Variants in GPAM observed in about 807,000 individuals in gnomAD.
The protein encoded by GPAM is glycerol-3-phosphate acyltransferase, mitochondrial.
In GPAM, 56 loss-of-function variants were observed where a neutral mutation model predicts 105.0. The observed-to-expected ratio is 0.53, with a 90% CI of 0.43 to 0.67. The LOEUF is 0.67. GPAM is among the 30% of genes least tolerant of loss of function. GPAM has a pLI of 0.00. For missense variants in GPAM, 855 were observed against 989.8 expected, an observed-to-expected ratio of 0.86 and a Z score of 1.83; for synonymous variants, 368 against 354.4, an observed-to-expected ratio of 1.04 and a Z score of -0.43.
upstream of GPAM, among the ~76,000 whole-genome samples, chr10:112,183,978 G>C (rs1473169191): frequency 2.0e-5 from 3 of 152,248 alleles, no homozygotes; most frequent in Admixed American, 2.0e-4. Flanking sequence ...GTGTGAGTGT[G>C]TGTGGGTACC....
intron 1 of GPAM, among the ~76,000 whole-genome samples, chr10:112,193,762 T>A (rs1243288089): frequency 6.6e-6 from 1 of 152,210 alleles, no homozygotes; most frequent in Non-Finnish European, 1.5e-5. Flanking sequence ...ATAATTGTTT[T>A]TAGGATTTGC....
intron 21 of GPAM, chr10:112,154,398 G>A (rs1846977478): frequency 1.7e-6 from 1 of 581,340 alleles, no homozygotes; most frequent in Admixed American, 3.0e-5. Flanking sequence ...GGGAATAAAT[G>A]TGAAACCAGT....
At chr10:112,159,209 T>G (rs986275761) in intron 17 of GPAM, among the ~76,000 whole-genome samples, 2 of 146,702 alleles carry the variant, frequency 1.4e-5, no homozygotes, top group Non-Finnish European at 3.0e-5. Context: ...GTTGAGCAGA[T>G]GATTTTCTTT....
intron 1 of GPAM, among the ~76,000 whole-genome samples, chr10:112,211,150 G>A (rs961460026): frequency 1.3e-5 from 2 of 152,134 alleles, no homozygotes; most frequent in African/African-American, 4.8e-5. Context: ...TCCAGCTGGG[G>A]GAAGTAGGAG....
At chr10:112,169,751 C>T (rs1847281517) in intron 9 of GPAM, among the ~76,000 whole-genome samples, 1 of 152,226 alleles carries the variant, frequency 6.6e-6, no homozygotes, top group South Asian at 2.1e-4. Context: ...CCGGGCCACA[C>T]AGCAGGAGAT....
chr10:112,195,910 A>C (rs1847718032), intron 1 of GPAM, among the ~76,000 whole-genome samples: 1 of 152,354 alleles, frequency 6.6e-6, no homozygotes, highest in South Asian at 2.1e-4. Flanking sequence ...TGTAGCTCTT[A>C]GAGCAGGCAT....
At chr10:112,171,334 G>A (rs1299865917) in intron 9 of GPAM, among the ~76,000 whole-genome samples, 1 of 152,052 alleles carries the variant, frequency 6.6e-6, no homozygotes, top group Non-Finnish European at 1.5e-5. Flanking sequence ...TTAAATCTAT[G>A]CCCTCCTGTC....
At chr10:112,195,895 G>A (rs1847717828) in intron 1 of GPAM, among the ~76,000 whole-genome samples, 1 of 152,212 alleles carries the variant, frequency 6.6e-6, no homozygotes, top group African/African-American at 2.4e-5. Flanking sequence ...GGGGGCTTGT[G>A]ACTTTGTAGC....
chr10:112,167,459 G>A (rs1234073417), intron 11 of GPAM, among the ~76,000 whole-genome samples: 1 of 152,148 alleles, frequency 6.6e-6, no homozygotes, highest in African/African-American at 2.4e-5. Context: ...AAATATCCAA[G>A]AATGATTACA....
chr10:112,179,106 G>T (rs988637367), intron 4 of GPAM, among the ~76,000 whole-genome samples: 1 of 152,166 alleles, frequency 6.6e-6, no homozygotes, highest in African/African-American at 2.4e-5. Context: ...TCAGAGAAAA[G>T]ATAGCAAATA....
rs539294148 is a variant in GPAM at position 112,192,917 on chromosome 10, G to A, written n.211-10026C>T. On this transcript the variant is annotated intron_variant and non_coding_transcript_variant, in intron 1 of 3. Coordinates refer to the GPAM transcript ENST00000480130. ...GTTGTATGCAGGGGCCTGCCCGCCT[G>A]GGTTAAATTGGCCGCAGAGAATCTA... Among the ~76,000 whole-genome samples the A allele has an allele frequency of 5.3e-5, 8 of 152,270 alleles. No homozygotes were observed. The South Asian group carries it at 1.7e-3, about 32-fold the overall frequency.
chr10:112,153,120 T>C lies in GPAM; in HGVS notation c.*430A>G. On this transcript the variant is annotated 3_prime_UTR_variant, in exon 22 of 22. Coordinates refer to ENST00000348367, the MANE Select transcript of GPAM (RefSeq NM_001244949.2). ...GACTCAATTATTTTTAAAGGAAGCA[T>C]TAACCACTAACCAGATAATATACCA... is the stretch of plus-strand genomic sequence containing the variant. 9.9e-7 allele frequency: 1 copy of C among 1,011,780 alleles called. No individual in the cohort carries two copies. The highest frequency in any genetic ancestry group is 1.2e-6 in the Non-Finnish European group (1 of 843,464). The allele number at this position is 1,011,780 out of a possible 1,614,324, so 62.7% of individuals were successfully genotyped here.
At chr10:112,177,081 A>G (rs56283557) in intron 5 of GPAM, among the ~76,000 whole-genome samples, 10,048 of 152,158 alleles carry the variant, frequency 0.066, 1,082 homozygotes, top group African/African-American at 0.23. Context: ...CTCTTTTTTA[A>G]ATTTAAATTT....
At chr10:112,167,499 T>C (rs1277293632) in intron 11 of GPAM, among the ~76,000 whole-genome samples, 1 of 152,156 alleles carries the variant, frequency 6.6e-6, no homozygotes, top group Non-Finnish European at 1.5e-5. Flanking sequence ...GTAGAATAAA[T>C]TATGGTATAC....
At chr10:112,162,676 T>C (rs749769251) in intron 14 of GPAM, among the ~76,000 whole-genome samples, 16 of 152,130 alleles carry the variant, frequency 1.1e-4, no homozygotes, top group Non-Finnish European at 2.2e-4. Flanking sequence ...AAAATATTTA[T>C]AAAGAATTTT....
chr10:112,175,838 T>G (rs1180526057), intron 5 of GPAM, 125 bp from the exon 6 acceptor site: 2 of 677,488 alleles, frequency 3.0e-6, no homozygotes, highest in African/African-American at 3.6e-5. Context: ...TTTAGGGTTC[T>G]CCTACAGCAA....
intron 9 of GPAM, 122 bp downstream of exon 9, chr10:112,172,060 T>C (rs1847321681): frequency 1.3e-6 from 1 of 755,014 alleles, no homozygotes; most frequent in South Asian, 1.6e-5. Context: ...ATCACTTTTA[T>C]AATAAAAGAA....
upstream of GPAM, among the ~76,000 whole-genome samples, chr10:112,216,448 C>T (rs1216444835): frequency 2.0e-5 from 3 of 152,026 alleles, no homozygotes; most frequent in African/African-American, 7.2e-5. Flanking sequence ...AGGGTATGGG[C>T]CTGTCCAAAG....
At chr10:112,165,645 T>C (rs906426722) in intron 12 of GPAM, among the ~76,000 whole-genome samples, 46 of 152,008 alleles carry the variant, frequency 3.0e-4, no homozygotes, top group African/African-American at 1.1e-3. Context: ...AGCTGAGATT[T>C]CGCCACTGCA....
Sources: gnomAD v4.1 joint callset for allele counts (sites outside exome capture counted in the v4.1 genomes callset) on GRCh38, gnomAD v4.1.1 for gene constraint, MANE v1.5 for transcripts, NCBI Gene and HGNC (gene_info 2026-07-23, HGNC 2026-07-21) for gene names.